The following SMIM27 variants were observed in gnomAD, a reference collection of about 807,000 sequenced individuals.
The protein encoded by SMIM27 is TOPORS antisense RNA 1 (non-protein coding).
A neutral mutation model predicts 1.8 loss-of-function variants in SMIM27; 3 were observed. That is an observed-to-expected ratio of 1.65 (90% CI 0.75 to 4.28). SMIM27 has a LOEUF of 4.28. Among genes scored for constraint, SMIM27 ranks in the 30% most tolerant of loss-of-function variants. The probability of loss-of-function intolerance (pLI) is 0.02; values close to 1 mark genes in which losing one functional copy is unlikely to be tolerated. For synonymous variants in SMIM27, 19 were observed against 13.9 expected (o/e 1.37, Z -0.82); for missense variants, 63 against 37.0 (o/e 1.70, Z -1.83).
rs549136941 is a variant in SMIM27 at position 32,562,332 on chromosome 9, C to G, written c.46-4059C>G. ...GTACTTGTTAATCAAGGGGCTTAAT[C>G]TGCTTAGTACACGGAACAAAGATGT... is the stretch of plus-strand genomic sequence containing the variant. On this transcript the variant is annotated intron_variant, in intron 1 of 1. Transcript: ENST00000451672. 2.0e-5 allele frequency among the ~76,000 whole-genome samples: 3 copies of G among 152,290 alleles called. No homozygotes were observed. In the South Asian group the frequency reaches 6.2e-4, roughly 32 times the overall value.
At chr9:32,554,012 C>G, downstream of SMIM27, 1 of 982,346 alleles carries the variant, frequency 1.0e-6, no homozygotes, top group South Asian at 1.5e-5. Flanking sequence ...CTATTCTGTT[C>G]TATGTTCATC....
At chr9:32,566,333 A>G (rs1053015350) in intron 1 of SMIM27, 4 of 1,172,462 alleles carry the variant, frequency 3.4e-6, no homozygotes, top group Non-Finnish European at 3.9e-6. Context: ...CTTGTTCTTT[A>G]ACTGCTTCCA....
chr9:32,551,432 G>C (rs997423512), upstream of SMIM27: 1 of 316,660 alleles, frequency 3.2e-6, no homozygotes, highest in Non-Finnish European at 6.2e-6. Flanking sequence ...AGCCCAACCA[G>C]TATCCTATAA....
At chr9:32,566,155 C>A (rs1034911076) in intron 1 of SMIM27, 6 of 690,578 alleles carry the variant, frequency 8.7e-6, no homozygotes, top group South Asian at 8.2e-5. Context: ...ATGTCACTGG[C>A]GCTTTCACAC....
chr9:32,556,224 A>T (rs2118999938), downstream of SMIM27, among the ~76,000 whole-genome samples: 1 of 152,326 alleles, frequency 6.6e-6, no homozygotes, highest in East Asian at 1.9e-4. Flanking sequence ...AACTCCATGA[A>T]CAGGGGTCTG....
downstream of SMIM27, chr9:32,553,363 G>T (rs1241402873): frequency 1.8e-5 from 3 of 167,804 alleles, no homozygotes; most frequent in Non-Finnish European, 1.3e-5. Flanking sequence ...TAATTTTTTT[G>T]TATTTTTAGT....
chr9:32,554,002 C>A (rs933744693), downstream of SMIM27: 3 of 1,074,372 alleles, frequency 2.8e-6, no homozygotes, highest in Admixed American at 4.2e-5. Flanking sequence ...GGTGATAGTT[C>A]TATTCTGTTC....
chr9:32,555,006 G>A (rs1244458158), downstream of SMIM27, among the ~76,000 whole-genome samples: 1 of 152,052 alleles, frequency 6.6e-6, no homozygotes, highest in Non-Finnish European at 1.5e-5. Context: ...CATGAGCTCA[G>A]GCAAAAAGTG....
At chr9:32,552,708 T>G (rs1821326524) in intron 1 of SMIM27, 93 bp from the exon 2 acceptor site, 1 of 663,462 alleles carries the variant, frequency 1.5e-6, no homozygotes, top group East Asian at 2.7e-5. Context: ...TTTGTTACTT[T>G]AATTCCCACC....
At chr9:32,560,520 C>G (rs1004079832) in intron 1 of SMIM27, among the ~76,000 whole-genome samples, 8 of 152,150 alleles carry the variant, frequency 5.3e-5, no homozygotes, top group Non-Finnish European at 1.0e-4. Context: ...TTCTGTTGAT[C>G]AGAGTTTGTA....
downstream of SMIM27, among the ~76,000 whole-genome samples, chr9:32,557,162 CTTTTT>C (rs34291462): frequency 5.4e-5 from 7 of 129,226 alleles, no homozygotes; most frequent in Admixed American, 1.6e-4. Flanking sequence ...CTGGCCCCCA[CTTTTT>C]TTTTTTTTTT....
chr9:32,555,582 C>T (rs1006716704), downstream of SMIM27, among the ~76,000 whole-genome samples: 2 of 152,214 alleles, frequency 1.3e-5, no homozygotes, highest in African/African-American at 4.8e-5. Context: ...AAATATTTTT[C>T]TTTTCATGCT....
intron 1 of SMIM27, among the ~76,000 whole-genome samples, chr9:32,558,471 G>A (rs1239834081): frequency 6.6e-6 from 1 of 152,142 alleles, no homozygotes; most frequent in East Asian, 1.9e-4. Flanking sequence ...GAGAACTTAA[G>A]GTCAAATCTT....
downstream of SMIM27, chr9:32,553,958 G>C (rs75102800): frequency 6.5e-7 from 1 of 1,529,334 alleles, no homozygotes; most frequent in Non-Finnish European, 9.0e-7. Context: ...GGAAAACAAA[G>C]ATACAGTTAG....
upstream of SMIM27, chr9:32,551,437 C>T (rs1821256941): frequency 3.3e-6 from 1 of 305,518 alleles, no homozygotes; most frequent in East Asian, 8.4e-5. Flanking sequence ...AACCAGTATC[C>T]TATAAAGTCT....
chr9:32,561,489 A>G (rs997840247), intron 1 of SMIM27, among the ~76,000 whole-genome samples: 10 of 152,058 alleles, frequency 6.6e-5, no homozygotes, highest in African/African-American at 2.4e-4. Context: ...CACCAAGCCC[A>G]GCTAATTTTT....
downstream of SMIM27, chr9:32,553,166 A>T: frequency 2.7e-6 from 1 of 376,416 alleles, no homozygotes; most frequent in Non-Finnish European, 4.7e-6. Flanking sequence ...TTTTCAATCA[A>T]GTTTCTAAAT....
intron 1 of SMIM27, among the ~76,000 whole-genome samples, chr9:32,563,505 G>A (rs866359648): frequency 3.7e-5 from 1 of 27,298 alleles, no homozygotes; most frequent in East Asian, 4.0e-4. Flanking sequence ...TTTTTTTTTT[G>A]GAGGGATGGG....
chr9:32,561,589 A>C (rs1480510771), intron 1 of SMIM27, among the ~76,000 whole-genome samples: 1 of 152,092 alleles, frequency 6.6e-6, no homozygotes, highest in Non-Finnish European at 1.5e-5. Flanking sequence ...TCAGCCTCCC[A>C]AAGTGCCAGG....
Sources: allele counts gnomAD v4.1 joint callset (sites outside exome capture counted in the v4.1 genomes callset), GRCh38; gene constraint gnomAD v4.1.1; transcripts MANE v1.5; gene names NCBI Gene and HGNC (gene_info 2026-07-23, HGNC 2026-07-21).